USH2A: variants seen among roughly 807,000 people sequenced by gnomAD.
The protein encoded by USH2A is Usher syndrome 2A (autosomal recessive, mild).
USH2A carries 443 observed loss-of-function variants against 538.9 expected under a neutral mutation model. The ratio of observed to expected loss-of-function variants is 0.82; its 90% CI spans 0.76 to 0.89. The LOEUF (loss-of-function observed/expected upper bound fraction) is 0.89. Among genes scored for constraint, USH2A ranks in the 40% least tolerant of loss-of-function variants. The pLI is 0.00. For missense variants in USH2A, 6,633 were observed against 6,324.8 expected, an observed-to-expected ratio of 1.05 and a Z score of -1.65; for synonymous variants, 2,413 against 2,273.5, an observed-to-expected ratio of 1.06 and a Z score of -1.75.
Position 215,634,456 on chromosome 1 carries a change from T to C in USH2A, c.15297+3A>G, listed in dbSNP as rs57754754. 943 of 1,614,204 alleles carry C rather than the reference T, an allele frequency of 5.8e-4. 5 individuals are homozygous for C. The African/African-American group carries it at 0.011, about 19-fold the overall frequency. On this transcript the variant is annotated splice_donor_region_variant and intron_variant, in intron 70 of 71. Transcript: ENST00000307340. ...AAATGGGGCCACACCTCTACAAACA[T>C]ACCATATGGTTTTCCCCCGGTGGGT... is the stretch of plus-strand genomic sequence containing the variant.
At chr1:215,994,396 T>A (rs576188726) in intron 34 of USH2A, among the ~76,000 whole-genome samples, 10 of 152,270 alleles carry the variant, frequency 6.6e-5, no homozygotes, top group East Asian at 5.8e-4. Context: ...ATTTTTTTTT[T>A]AAATATGGGA....
intron 58 of USH2A, among the ~76,000 whole-genome samples, chr1:215,754,889 T>C (rs761448118): frequency 1.3e-5 from 2 of 152,192 alleles, no homozygotes; most frequent in Admixed American, 6.5e-5. Context: ...TCCTTTTAGA[T>C]TTTTGGATGG....
intron 64 of USH2A, among the ~76,000 whole-genome samples, chr1:215,653,940 G>A (rs1000945297): frequency 6.6e-6 from 1 of 152,132 alleles, no homozygotes; most frequent in Non-Finnish European, 1.5e-5. Flanking sequence ...TAGTTGCAAT[G>A]AACCCATATA....
chr1:216,071,771 T>C (rs926001336), intron 29 of USH2A, among the ~76,000 whole-genome samples: 4 of 152,182 alleles, frequency 2.6e-5, no homozygotes, highest in South Asian at 2.1e-4. Context: ...GAGTGTGAAA[T>C]AGGAGCAGAG....
At position 215,751,841 on chromosome 1, in the gene USH2A, A is replaced by G. The variant is rs145312514; in HGVS notation, c.11389+6754T>C. 4.6e-3 allele frequency among the ~76,000 whole-genome samples: 703 copies of G among 152,244 alleles called. 16 individuals are homozygous for G. Among genetic ancestry groups the G allele is most frequent in the African/African-American group, 0.016 (672 of 41,568 alleles). On this transcript the variant is annotated intron_variant, in intron 58 of 71. Coordinates refer to ENST00000307340, the MANE Select transcript of USH2A (RefSeq NM_206933.4). ...TGCCATCTCATTTACTTCATATAAC[A>G]ATATAAGGTAGGCATTTAATTTCTC...
chr1:216,081,588 T>C (rs2031942974), intron 26 of USH2A, among the ~76,000 whole-genome samples: 1 of 151,950 alleles, frequency 6.6e-6, no homozygotes, highest in Non-Finnish European at 1.5e-5. Flanking sequence ...TCTAAGTGTA[T>C]TGATTTTTTT....
At chr1:215,771,814 T>C (rs954354066) in intron 55 of USH2A, among the ~76,000 whole-genome samples, 4 of 152,056 alleles carry the variant, frequency 2.6e-5, no homozygotes, top group Non-Finnish European at 5.9e-5. Context: ...TCAGTTTCTA[T>C]ATCTATAAAC....
intron 32 of USH2A, among the ~76,000 whole-genome samples, chr1:216,013,117 T>C (rs886168865): frequency 2.0e-5 from 3 of 152,230 alleles, no homozygotes; most frequent in Non-Finnish European, 4.4e-5. Context: ...TCTAATCAGA[T>C]GTCCTGAGTC....
chr1:216,370,670 T>A (rs1242010129), intron 3 of USH2A, among the ~76,000 whole-genome samples: 2 of 15,880 alleles, frequency 1.3e-4, no homozygotes, highest in Non-Finnish European at 3.3e-4. Context: ...AGAGCCAGAC[T>A]CTGTCTCAAA....
chr1:216,261,593 A>G (rs1297465255), intron 11 of USH2A, among the ~76,000 whole-genome samples: 3 of 152,144 alleles, frequency 2.0e-5, no homozygotes, highest in South Asian at 4.1e-4. Flanking sequence ...AATTAAAGGA[A>G]TAAGTTAATA....
chr1:215,912,331 A>G (rs1665805403), intron 38 of USH2A, among the ~76,000 whole-genome samples: 2 of 151,854 alleles, frequency 1.3e-5, no homozygotes, highest in Non-Finnish European at 2.9e-5. Context: ...GATAGTTTGA[A>G]GTCTTCGACT....
intron 49 of USH2A, among the ~76,000 whole-genome samples, chr1:215,811,981 G>GA (rs1553265188): frequency 1.3e-5 from 1 of 78,788 alleles, no homozygotes; most frequent in Non-Finnish European, 2.3e-5. Context: ...AACCCCTAGG[G>GA]TTTTTTTTTT....
chr1:215,916,068 A>G (rs1303071678), intron 38 of USH2A, among the ~76,000 whole-genome samples: 4 of 150,754 alleles, frequency 2.7e-5, no homozygotes, highest in Non-Finnish European at 4.4e-5. Context: ...GGATAGCTTT[A>G]GGAGATCTAC....
chr1:215,701,586 C>G (rs117719457), intron 61 of USH2A, among the ~76,000 whole-genome samples: 2,300 of 152,206 alleles, frequency 0.015, 92 homozygotes, highest in East Asian at 0.1. Flanking sequence ...CCTTCTATGT[C>G]TTTTTTGATC....
intron 29 of USH2A, among the ~76,000 whole-genome samples, chr1:216,070,899 CAA>C (rs1238007735): frequency 1.3e-5 from 2 of 152,022 alleles, no homozygotes; most frequent in East Asian, 3.9e-4. Flanking sequence ...TGAGATTCTA[CAA>C]AGTCATTTTC....
chr1:216,134,444 G>A (rs781408690), intron 21 of USH2A, among the ~76,000 whole-genome samples: 5 of 152,000 alleles, frequency 3.3e-5, no homozygotes, highest in Non-Finnish European at 5.9e-5. Flanking sequence ...AACAGAATAA[G>A]GGATGTCATC....
At chr1:215,832,155 C>A (rs1663338273) in intron 47 of USH2A, among the ~76,000 whole-genome samples, 1 of 151,878 alleles carries the variant, frequency 6.6e-6, no homozygotes, top group Non-Finnish European at 1.5e-5. Flanking sequence ...AAAAAACCTT[C>A]CATCAAAGAA....
At chr1:216,125,081 T>A (rs1476494879) in intron 21 of USH2A, among the ~76,000 whole-genome samples, 1 of 152,174 alleles carries the variant, frequency 6.6e-6, no homozygotes, top group East Asian at 1.9e-4. Flanking sequence ...TATATAGAAC[T>A]AACAATTTTT....
chr1:215,825,321 T>G (rs1663122553), intron 47 of USH2A, among the ~76,000 whole-genome samples: 1 of 152,050 alleles, frequency 6.6e-6, no homozygotes, highest in Non-Finnish European at 1.5e-5. Context: ...CTAGTTAGGA[T>G]TACAGATGCA....
Sources: allele counts gnomAD v4.1 joint callset (sites outside exome capture counted in the v4.1 genomes callset), GRCh38; gene constraint gnomAD v4.1.1; transcripts MANE v1.5; gene names NCBI Gene and HGNC (gene_info 2026-07-23, HGNC 2026-07-21).